ETV6: variants seen among roughly 807,000 people sequenced by gnomAD.
ETV6 encodes the protein transcription factor ETV6.
A neutral mutation model predicts 51.1 loss-of-function variants in ETV6; 16 were observed. The observed-to-expected ratio is 0.31, with a 90% confidence interval of 0.21 to 0.48. The LOEUF is 0.48. Ranked by LOEUF, ETV6 falls within the 20% of genes least tolerant of loss-of-function variation. The pLI is 0.99. For synonymous variants in ETV6, 240 were observed against 224.1 expected, an observed-to-expected ratio of 1.07 and a Z score of -0.64; for missense variants, 458 against 594.8, an observed-to-expected ratio of 0.77 and a Z score of 2.39.
chr12:11,888,138 C>T (rs1199120719), intron 7 of ETV6, among the ~76,000 whole-genome samples: 1 of 152,202 alleles, frequency 6.6e-6, no homozygotes, highest in Non-Finnish European at 1.5e-5. Flanking sequence ...TGTCTCTAGT[C>T]CACTCTGCTG....
At chr12:11,655,345 G>A (rs1863981644) in intron 1 of ETV6, among the ~76,000 whole-genome samples, 1 of 152,200 alleles carries the variant, frequency 6.6e-6, no homozygotes. Context: ...GTGTGTATTT[G>A]TTGAATAGAA....
chr12:11,770,579 GCCCTTCCTCCTT>G (rs1256170234), intron 2 of ETV6, among the ~76,000 whole-genome samples: 1 of 152,104 alleles, frequency 6.6e-6, no homozygotes, highest in Non-Finnish European at 1.5e-5. Flanking sequence ...GTTTTGTTAG[GCCCTTCCTCCTT>G]CCCTTCCTCT....
At chr12:11,845,106 G>T (rs2136474362) in intron 3 of ETV6, among the ~76,000 whole-genome samples, 1 of 152,306 alleles carries the variant, frequency 6.6e-6, no homozygotes, top group African/African-American at 2.4e-5. Flanking sequence ...TAGGATTACA[G>T]GCGTGAGCTA....
chr12:11,745,125 T>G (rs570877336), intron 1 of ETV6, among the ~76,000 whole-genome samples: 3 of 152,310 alleles, frequency 2.0e-5, no homozygotes, highest in East Asian at 3.9e-4. Context: ...GAGTAATTGA[T>G]AAAGAAGGGG....
intron 1 of ETV6, among the ~76,000 whole-genome samples, chr12:11,664,637 C>T (rs1463858951): frequency 6.6e-6 from 1 of 152,140 alleles, no homozygotes; most frequent in African/African-American, 2.4e-5. Flanking sequence ...TTGTTTGGTC[C>T]ACGATGCACT....
At chr12:11,870,659 C>T (rs150487297) in intron 5 of ETV6, among the ~76,000 whole-genome samples, 31 of 152,304 alleles carry the variant, frequency 2.0e-4, no homozygotes, top group African/African-American at 7.0e-4. Context: ...ACAAGGTTAG[C>T]TCTTTTCGTA....
chr12:11,781,642 G>C (rs914758610), intron 2 of ETV6, among the ~76,000 whole-genome samples: 3 of 152,268 alleles, frequency 2.0e-5, no homozygotes, highest in African/African-American at 2.4e-5. Flanking sequence ...TATTTGTGTT[G>C]TATTCACATT....
intron 1 of ETV6, among the ~76,000 whole-genome samples, chr12:11,700,296 G>A (rs987356707): frequency 6.6e-6 from 1 of 152,298 alleles, no homozygotes; most frequent in Non-Finnish European, 1.5e-5. Flanking sequence ...TTGTGTAGTG[G>A]TGAAGTCTGG....
chr12:11,734,255 T>C (rs1463892454), intron 1 of ETV6, among the ~76,000 whole-genome samples: 1 of 152,160 alleles, frequency 6.6e-6, no homozygotes, highest in Non-Finnish European at 1.5e-5. Flanking sequence ...TAGTCCCCTA[T>C]GTAATTAGGT....
At chr12:11,714,466 A>G (rs1865232814) in intron 1 of ETV6, among the ~76,000 whole-genome samples, 1 of 152,150 alleles carries the variant, frequency 6.6e-6, no homozygotes. Context: ...TCTAGCATGT[A>G]TTTGATTAGG....
intron 2 of ETV6, among the ~76,000 whole-genome samples, chr12:11,810,308 C>T (rs568742083): frequency 1.3e-5 from 2 of 152,204 alleles, no homozygotes; most frequent in South Asian, 4.1e-4. Context: ...CTTGAGAGCT[C>T]GTGTAGAAAG....
In ETV6 at chr12:11,891,455, T is replaced by G; in HGVS notation, c.*409T>G. 2.5e-6 allele frequency: 1 copy of G among 399,512 alleles called. No homozygotes were observed. Among genetic ancestry groups the G allele is most frequent in the Non-Finnish European group, 4.6e-6 (1 of 215,452 alleles). The allele number at this position is 399,512 out of a possible 1,614,324, so 24.7% of individuals were successfully genotyped here. A position where few individuals can be genotyped will look rare whatever the true frequency, so the allele number is the denominator to read the frequency against. On this transcript the variant is annotated 3_prime_UTR_variant, in exon 8 of 8. Transcript: ENST00000396373. Reference sequence around the variant, plus strand: ...TGTTGTTTTCCTATGGAAATATATATCTATTATATATATATTTTTTGCAAA... The same window carrying G: ...TGTTGTTTTCCTATGGAAATATATAGCTATTATATATATATTTTTTGCAAA...
At chr12:11,709,152 A>G (rs1213639171) in intron 1 of ETV6, among the ~76,000 whole-genome samples, 1 of 152,194 alleles carries the variant, frequency 6.6e-6, no homozygotes, top group Non-Finnish European at 1.5e-5. Flanking sequence ...ATGATGATAC[A>G]GTGAACACCT....
At chr12:11,779,613 T>G (rs1945382501) in intron 2 of ETV6, among the ~76,000 whole-genome samples, 1 of 152,228 alleles carries the variant, frequency 6.6e-6, no homozygotes, top group Non-Finnish European at 1.5e-5. Context: ...TTTTTCTCTT[T>G]TCTGCCAGAA....
chr12:11,759,850 A>G (rs1162608352), intron 2 of ETV6, among the ~76,000 whole-genome samples: 1 of 152,226 alleles, frequency 6.6e-6, no homozygotes, highest in Admixed American at 6.5e-5. Context: ...CTGAGTATAT[A>G]CAAATACAGC....
intron 5 of ETV6, 37 bp downstream of exon 5, chr12:11,870,006 G>A: frequency 6.4e-7 from 1 of 1,562,220 alleles, no homozygotes; most frequent in Non-Finnish European, 8.6e-7. Context: ...CAGCATCATG[G>A]GGACCTGACA....
intron 3 of ETV6, among the ~76,000 whole-genome samples, chr12:11,847,928 TG>T (rs1366443000): frequency 2.0e-5 from 3 of 152,084 alleles, no homozygotes; most frequent in Admixed American, 6.5e-5. Context: ...CGACTGCAAA[TG>T]GGGACAGTAA....
At chr12:11,655,964 A>G (rs566035746) in intron 1 of ETV6, among the ~76,000 whole-genome samples, 1 of 152,348 alleles carries the variant, frequency 6.6e-6, no homozygotes, top group Non-Finnish European at 1.5e-5. Flanking sequence ...TTGTTCTACA[A>G]CAACCAGTTG....
Position 11,734,962 on chromosome 12 carries a change from G to A in ETV6, c.34-17488G>A, listed in dbSNP as rs1019182594. 3.3e-5 allele frequency among the ~76,000 whole-genome samples: 5 copies of A among 152,098 alleles called. No individual in the cohort carries two copies. In the East Asian group the frequency reaches 5.8e-4, roughly 18 times the overall value. The stretch of plus-strand genomic sequence containing the variant: ...TTGTGATAACAATATGAAACCTTTC[G>A]TCTCTAAAGTGTCATGGAAGTGAAA... On this transcript the variant is annotated intron_variant, in intron 1 of 7. Transcript: ENST00000396373.
Sources: allele counts gnomAD v4.1 joint callset (sites outside exome capture counted in the v4.1 genomes callset), GRCh38; gene constraint gnomAD v4.1.1; transcripts MANE v1.5; gene names NCBI Gene and HGNC (gene_info 2026-07-23, HGNC 2026-07-21).